HDAC4: variants seen among roughly 807,000 people sequenced by gnomAD.
The protein encoded by HDAC4 is histone deacetylase A.
Under a neutral mutation model 135.1 loss-of-function variants are expected in HDAC4, and 16 were observed. That is an observed-to-expected ratio of 0.12 (90% CI 0.08 to 0.18). The LOEUF (loss-of-function observed/expected upper bound fraction) is 0.18. HDAC4 is among the 10% of genes least tolerant of loss of function. The probability of loss-of-function intolerance (pLI) is 1.00; values close to 1 mark genes in which losing one functional copy is unlikely to be tolerated. For missense variants in HDAC4, 1,143 were observed against 1,511.8 expected, an observed-to-expected ratio of 0.76 and a Z score of 4.05; for synonymous variants, 685 against 653.4, an observed-to-expected ratio of 1.05 and a Z score of -0.74.
chr2:239,251,460 T>C (rs556079233), intron 2 of HDAC4, among the ~76,000 whole-genome samples: 4 of 152,130 alleles, frequency 2.6e-5, no homozygotes, highest in Non-Finnish European at 5.9e-5. Flanking sequence ...CTGGGTGTGG[T>C]GGCGTGTGAC....
intron 19 of HDAC4, 141 bp from the exon 20 acceptor site, chr2:239,084,383 A>G: frequency 1.4e-6 from 1 of 690,186 alleles, no homozygotes; most frequent in Non-Finnish European, 2.7e-6. Flanking sequence ...CGTCGCAGGG[A>G]ACCCTCAGTG....
At chr2:239,257,638 C>G (rs1324723412) in intron 2 of HDAC4, among the ~76,000 whole-genome samples, 1 of 152,200 alleles carries the variant, frequency 6.6e-6, no homozygotes, top group Non-Finnish European at 1.5e-5. Flanking sequence ...AGCTCTGCTT[C>G]TAATGACTCT....
intron 21 of HDAC4, 62 bp downstream of exon 21, chr2:239,082,040 C>A: frequency 2.0e-6 from 3 of 1,517,656 alleles, no homozygotes; most frequent in East Asian, 4.5e-5. Context: ...CTGCCCCGTG[C>A]CCCCACAGCG....
chr2:239,094,165 G>C, intron 17 of HDAC4: 1 of 985,370 alleles, frequency 1.0e-6, no homozygotes, highest in Non-Finnish European at 1.2e-6. Flanking sequence ...GTGGTGATTC[G>C]CGGCACTGCA....
chr2:239,150,627 GT>G (rs2042060544), intron 7 of HDAC4, among the ~76,000 whole-genome samples: 1 of 129,544 alleles, frequency 7.7e-6, no homozygotes, highest in African/African-American at 2.9e-5. Context: ...CCTGAAGTAT[GT>G]ACCACACCTT....
At chr2:239,378,609 G>GCCCCGGGAACCAAGAA (rs1489412912) in intron 1 of HDAC4, among the ~76,000 whole-genome samples, 30 of 152,086 alleles carry the variant, frequency 2.0e-4, no homozygotes, top group African/African-American at 5.8e-4. Flanking sequence ...GCCTGAAACG[G>GCCCCGGGAACCAAGAA]CCCCGGGAAC....
At chr2:239,199,341 C>A (rs2045609026) in intron 3 of HDAC4, among the ~76,000 whole-genome samples, 1 of 152,124 alleles carries the variant, frequency 6.6e-6, no homozygotes, top group South Asian at 2.1e-4. Flanking sequence ...TGATCACTGA[C>A]TAGATTCTCT....
intron 11 of HDAC4, among the ~76,000 whole-genome samples, chr2:239,132,041 G>A (rs970261808): frequency 1.3e-5 from 2 of 152,180 alleles, no homozygotes; most frequent in South Asian, 2.1e-4. Flanking sequence ...CTCATGGCGG[G>A]GCTGGGGGAG....
chr2:239,285,727 A>G lies in HDAC4; in HGVS notation c.23-49063T>C, dbSNP rs2051101216. 1.3e-5 allele frequency among the ~76,000 whole-genome samples: 2 copies of G among 152,126 alleles called. No individual in the cohort carries two copies. Among genetic ancestry groups the G allele is most frequent in the Non-Finnish European group, 2.9e-5 (2 of 68,024 alleles). ...CCAGCAGTAAGGAAACCCTCCAACA[A>G]GCCAGAAATATATAATTAAGGGAAA... On this transcript the variant is annotated intron_variant, in intron 2 of 26. Coordinates refer to ENST00000543185, the MANE Select transcript of HDAC4 (RefSeq NM_001378414.1). This position sits in a 1 kb window ranked among gnomAD's most constrained non-coding sequence, Gnocchi z 4.5.
chr2:239,130,955 G>C (rs1490008626), intron 11 of HDAC4, among the ~76,000 whole-genome samples: 1 of 152,196 alleles, frequency 6.6e-6, no homozygotes, highest in Middle Eastern at 3.2e-3. Flanking sequence ...GCTCTGCACA[G>C]ACACTTTCCT....
At chr2:239,223,114 C>T (rs1575451351) in intron 3 of HDAC4, among the ~76,000 whole-genome samples, 3 of 152,200 alleles carry the variant, frequency 2.0e-5, no homozygotes, top group African/African-American at 4.8e-5. Flanking sequence ...TTCTCAGTTA[C>T]GTAAGATCAA....
At chr2:239,172,293 AAT>A (rs1252131295) in intron 5 of HDAC4, among the ~76,000 whole-genome samples, 6 of 115,052 alleles carry the variant, frequency 5.2e-5, no homozygotes, top group Admixed American at 3.2e-4. Context: ...GGTGAAAAAA[AAT>A]ATATATATAT....
At chr2:239,164,696 G>A (rs112300408) in intron 5 of HDAC4, among the ~76,000 whole-genome samples, 133 of 152,312 alleles carry the variant, frequency 8.7e-4, no homozygotes, top group African/African-American at 3.1e-3. Context: ...TTCAGATAGC[G>A]TTTGTAATGG....
intron 2 of HDAC4, among the ~76,000 whole-genome samples, chr2:239,323,605 C>T (rs1297015168): frequency 1.3e-5 from 2 of 152,182 alleles, no homozygotes; most frequent in Non-Finnish European, 2.9e-5. Flanking sequence ...GCTCAGGCCA[C>T]GCCCTCCAAG....
intron 24 of HDAC4, among the ~76,000 whole-genome samples, chr2:239,065,933 G>C (rs1037253543): frequency 9.9e-5 from 15 of 152,246 alleles, no homozygotes; most frequent in African/African-American, 3.6e-4. Flanking sequence ...AAGAGCAGGT[G>C]TGGGAAACTC....
rs1421861182 is a variant in HDAC4, at chr2:239,108,034, C to A, written c.2112+16G>T. On this transcript the variant is annotated intron_variant, in intron 15 of 26. Transcript: ENST00000543185. Reference sequence around the variant, plus strand: ...GCCCAAAGCCGCAGCTGCCCACCTGCCCCGGTCGGCGTTACCTCGCATTTG... The same window carrying A: ...GCCCAAAGCCGCAGCTGCCCACCTGACCCGGTCGGCGTTACCTCGCATTTG... 6.2e-7 allele frequency: 1 copy of A among 1,610,464 alleles called. No homozygotes were observed. Among genetic ancestry groups the A allele is most frequent in the African/African-American group, 1.3e-5 (1 of 74,864 alleles).
At chr2:239,196,136 T>C (rs1221845249) in intron 3 of HDAC4, among the ~76,000 whole-genome samples, 1 of 151,804 alleles carries the variant, frequency 6.6e-6, no homozygotes, top group Admixed American at 6.6e-5. Flanking sequence ...TACACTGATA[T>C]TTTGCCTCTA....
At chr2:239,397,240 G>C (rs773862664) in intron 1 of HDAC4, among the ~76,000 whole-genome samples, 1 of 152,242 alleles carries the variant, frequency 6.6e-6, no homozygotes, top group African/African-American at 2.4e-5. Context: ...TTTGGGACTG[G>C]AGATGCAGGG....
chr2:239,160,409 C>G (rs1165415176), intron 6 of HDAC4, among the ~76,000 whole-genome samples: 1 of 152,226 alleles, frequency 6.6e-6, no homozygotes, highest in African/African-American at 2.4e-5. Context: ...GCCATCTTGT[C>G]TCAACAGTCT....
Sources: allele counts gnomAD v4.1 joint callset (sites outside exome capture counted in the v4.1 genomes callset), GRCh38; gene constraint gnomAD v4.1.1; non-coding constraint Gnocchi (gnomAD v3.1); transcripts MANE v1.5; gene names NCBI Gene and HGNC (gene_info 2026-07-23, HGNC 2026-07-21).